Variants in PTPRG observed in about 807,000 individuals in gnomAD.
PTPRG encodes receptor-type tyrosine-protein phosphatase gamma.
In PTPRG, 102 loss-of-function variants were observed where a neutral mutation model predicts 165.3. That is an observed-to-expected ratio of 0.62 (90% confidence interval 0.53 to 0.73). PTPRG has a LOEUF of 0.73. Ranked by LOEUF, PTPRG falls within the 30% of genes least tolerant of loss-of-function variation. The pLI, the probability that PTPRG is intolerant of heterozygous loss-of-function variation, is 0.00. For missense variants in PTPRG, 1,866 were observed against 1,861.4 expected, an observed-to-expected ratio of 1.00 and a Z score of -0.05; for synonymous variants, 675 against 669.5, an observed-to-expected ratio of 1.01 and a Z score of -0.13.
At chr3:62,158,210 C>T (rs1313975202) in intron 7 of PTPRG, among the ~76,000 whole-genome samples, 1 of 152,132 alleles carries the variant, frequency 6.6e-6, no homozygotes, top group African/African-American at 2.4e-5. Flanking sequence ...TTTAAGTCAC[C>T]TCATGAGGTT....
At chr3:61,715,832 G>GTACA in intron 1 of PTPRG, among the ~76,000 whole-genome samples, 1 of 151,690 alleles carries the variant, frequency 6.6e-6, no homozygotes, top group South Asian at 2.1e-4. Context: ...ATGGAATAGG[G>GTACA]TACATACTAG....
chr3:61,825,512 C>T (rs1473889180), intron 2 of PTPRG, among the ~76,000 whole-genome samples: 1 of 152,100 alleles, frequency 6.6e-6, no homozygotes, highest in Non-Finnish European at 1.5e-5. Flanking sequence ...ATTTTAAAAG[C>T]TGAACTAGCA....
chr3:61,618,466 G>A (rs77872045), intron 1 of PTPRG, among the ~76,000 whole-genome samples: 4,270 of 152,216 alleles, frequency 0.028, 191 homozygotes, highest in African/African-American at 0.096. Flanking sequence ...GCATGGTGGG[G>A]TATTCTAAAT....
intron 2 of PTPRG, among the ~76,000 whole-genome samples, chr3:61,835,867 C>T (rs958579548): frequency 2.0e-5 from 3 of 151,538 alleles, no homozygotes; most frequent in African/African-American, 7.3e-5. Context: ...ATGGTGAAAC[C>T]CCATCTCTGT....
intron 4 of PTPRG, among the ~76,000 whole-genome samples, chr3:62,068,239 G>A (rs1440370891): frequency 6.6e-6 from 1 of 152,146 alleles, no homozygotes; most frequent in African/African-American, 2.4e-5. Flanking sequence ...ACCCTCCTGA[G>A]TGCTTTATGC....
intron 3 of PTPRG, among the ~76,000 whole-genome samples, chr3:61,996,168 C>T (rs1261601490): frequency 6.6e-6 from 1 of 152,030 alleles, no homozygotes; most frequent in African/African-American, 2.4e-5. Flanking sequence ...ACAATAATAA[C>T]CTAAATGTGT....
intron 2 of PTPRG, among the ~76,000 whole-genome samples, chr3:61,903,294 A>C (rs566382888): frequency 6.6e-6 from 1 of 152,288 alleles, no homozygotes; most frequent in East Asian, 1.9e-4. Context: ...TTTCTGCATG[A>C]CACTGCTTTA....
At chr3:61,842,461 A>G (rs138556011) in intron 2 of PTPRG, among the ~76,000 whole-genome samples, 166 of 152,330 alleles carry the variant, frequency 1.1e-3, no homozygotes, top group African/African-American at 3.7e-3. Flanking sequence ...TACTTTCATT[A>G]CATGTTCCCC....
intron 2 of PTPRG, among the ~76,000 whole-genome samples, chr3:61,805,418 C>G (rs2035382864): frequency 6.7e-6 from 1 of 149,832 alleles, no homozygotes; most frequent in Non-Finnish European, 1.5e-5. Context: ...CTCCTTATTT[C>G]TTTATTTCAA....
chr3:62,206,535 G>A (rs1700234104), intron 12 of PTPRG, among the ~76,000 whole-genome samples: 1 of 152,152 alleles, frequency 6.6e-6, no homozygotes, highest in African/African-American at 2.4e-5. Flanking sequence ...CAGCCCAGGT[G>A]CCACACAATG....
chr3:62,284,766 G>A (rs1702576153), intron 28 of PTPRG, among the ~76,000 whole-genome samples: 3 of 152,006 alleles, frequency 2.0e-5, no homozygotes, highest in Non-Finnish European at 4.4e-5. Context: ...AGTTATTTTT[G>A]AGTCTCCCTC....
At chr3:61,757,521 CA>C (rs1179444586) in intron 2 of PTPRG, among the ~76,000 whole-genome samples, 1 of 152,044 alleles carries the variant, frequency 6.6e-6, no homozygotes, top group African/African-American at 2.4e-5. Context: ...GAAACATTGT[CA>C]GTGGCATTTC....
chr3:62,101,282 G>C (rs1259282175), intron 5 of PTPRG, among the ~76,000 whole-genome samples: 1 of 152,152 alleles, frequency 6.6e-6, no homozygotes, highest in Non-Finnish European at 1.5e-5. Flanking sequence ...AGCAAATTTA[G>C]TTTGAAAGGG....
intron 2 of PTPRG, among the ~76,000 whole-genome samples, chr3:61,950,496 T>C (rs1422062903): frequency 1.3e-5 from 2 of 152,204 alleles, no homozygotes; most frequent in African/African-American, 4.8e-5. Flanking sequence ...GGTTAATTGT[T>C]CTTGGTATTT....
At chr3:61,825,926 C>T (rs575249852) in intron 2 of PTPRG, among the ~76,000 whole-genome samples, 40 of 135,522 alleles carry the variant, frequency 3.0e-4, no homozygotes, top group African/African-American at 9.4e-4. Context: ...GCTGGGATTA[C>T]AGGCGTGCGT....
At chr3:62,193,588 G>C (rs1195338284) in intron 9 of PTPRG, among the ~76,000 whole-genome samples, 1 of 152,154 alleles carries the variant, frequency 6.6e-6, no homozygotes, top group Admixed American at 6.5e-5. Flanking sequence ...TTTTCTAGAG[G>C]GCATCCACCT....
intron 1 of PTPRG, among the ~76,000 whole-genome samples, chr3:61,589,947 T>C (rs544577014): frequency 6.6e-6 from 1 of 152,042 alleles, no homozygotes; most frequent in Non-Finnish European, 1.5e-5. Context: ...ACCCACAGTT[T>C]AGGGAATCTG....
At position 61,761,840 on chromosome 3, in the gene PTPRG, T is replaced by C. The variant is rs113599266; in HGVS notation, c.190+12858T>C. Among the ~76,000 whole-genome samples the C allele has an allele frequency of 7.7e-3, 1,174 of 152,308 alleles. 20 individuals carry two copies. Among genetic ancestry groups the C allele is most frequent in the African/African-American group, 0.026 (1,098 of 41,560 alleles). On this transcript the variant is annotated intron_variant, in intron 2 of 29. Coordinates refer to ENST00000474889, the MANE Select transcript of PTPRG (RefSeq NM_002841.4). ...ATTTTGCTGCTCCCAAAGGCATCAT[T>C]TAGTAGCTCTGCCCCAATTATTGTT... is the stretch of plus-strand genomic sequence containing the variant.
chr3:61,935,639 T>G (rs2039466889), intron 2 of PTPRG, among the ~76,000 whole-genome samples: 1 of 151,932 alleles, frequency 6.6e-6, no homozygotes, highest in African/African-American at 2.4e-5. Flanking sequence ...GACCACTGAC[T>G]TTACTGCTGA....
Sources: gnomAD v4.1 joint callset for allele counts (sites outside exome capture counted in the v4.1 genomes callset) on GRCh38, gnomAD v4.1.1 for gene constraint, MANE v1.5 for transcripts, NCBI Gene and HGNC (gene_info 2026-07-23, HGNC 2026-07-21) for gene names.